The following CABLES2 variants were observed in gnomAD, a reference collection of about 807,000 sequenced individuals.
CABLES2 encodes the protein CDK5 and ABL1 enzyme substrate 2.
A neutral mutation model predicts 44.8 loss-of-function variants in CABLES2; 35 were observed. The observed-to-expected ratio is 0.78, with a 90% confidence interval of 0.60 to 1.04. The LOEUF (loss-of-function observed/expected upper bound fraction) is 1.04, where lower values mean the gene tolerates loss of function less well. Ranked by LOEUF, CABLES2 falls within the 50% of genes least tolerant of loss-of-function variation. The probability of loss-of-function intolerance (pLI) is 0.00; values close to 1 mark genes in which losing one functional copy is unlikely to be tolerated. For synonymous variants in CABLES2, 282 were observed against 281.1 expected, an observed-to-expected ratio of 1.00 and a Z score of -0.03; for missense variants, 566 against 615.7, an observed-to-expected ratio of 0.92 and a Z score of 0.85.
In CABLES2 at chr20:62,396,409, T is replaced by C; in HGVS notation, c.435-2A>G. ...GGTGATCCAGATGTGTGTTTGGTTC[T>C]GCAAGGCAAAGGACACAGGTCACTC... On this transcript the variant is annotated splice_acceptor_variant, in intron 2 of 9. Transcript: ENST00000279101. LOFTEE classifies it high-confidence loss of function. This position sits in a 1 kb window ranked among gnomAD's most constrained non-coding sequence, Gnocchi z 5.7. The C allele has an allele frequency of 1.2e-6, 2 of 1,614,008 alleles. No individual in the cohort carries two copies. The highest frequency in any genetic ancestry group is 1.7e-6 in the Non-Finnish European group (2 of 1,179,962).
chr20:62,399,505 C>T (rs1988148413), intron 1 of CABLES2, among the ~76,000 whole-genome samples: 1 of 151,454 alleles, frequency 6.6e-6, no homozygotes, highest in African/African-American at 2.4e-5. Context: ...CCTCGGCCTC[C>T]CAAAGTGCTG....
chr20:62,388,753 G>A lies in CABLES2; in HGVS notation c.*2218C>T. On this transcript the variant is annotated 3_prime_UTR_variant, in exon 10 of 10. Transcript: ENST00000279101. ...CTTATGCACACTGACATCCACAACT[G>A]CTACCGGTGCGGAAGCAACGCCAGG... The A allele has an allele frequency of 2.0e-6, 1 of 502,748 alleles. No individual in the cohort carries two copies. Among genetic ancestry groups the A allele is most frequent in the Non-Finnish European group, 3.6e-6 (1 of 281,606 alleles). 31.1% of individuals were successfully genotyped at this position (502,748 alleles called of 1,614,324 possible).
Position 62,391,434 on chromosome 20 carries a change from TC to T in CABLES2, c.1110del (p.Ser371AlafsTer11). ...TCCAGGCTGCACTCCTCCGACAGGC[TC>T]CGCATCTCCCGCTTTAAGCTGTGGG... ...SKIRSLKREM[R>X]SLSEECSLEP... On this transcript the variant is annotated frameshift_variant, in exon 9 of 10. Coordinates refer to ENST00000279101, the MANE Select transcript of CABLES2 (RefSeq NM_031215.3). LOFTEE classifies it high-confidence loss of function. This position sits in a 1 kb window ranked among gnomAD's most constrained non-coding sequence, Gnocchi z 5.7. 1 of 1,613,130 alleles carries T rather than the reference TC, an allele frequency of 6.2e-7. No homozygotes were observed. Among genetic ancestry groups the T allele is most frequent in the Non-Finnish European group, 8.5e-7 (1 of 1,179,994 alleles).
chr20:62,395,195 C>G (rs1445562724), intron 3 of CABLES2, among the ~76,000 whole-genome samples, 181 bp from the exon 4 acceptor site: 7 of 152,254 alleles, frequency 4.6e-5, no homozygotes, highest in African/African-American at 1.4e-4. Context: ...CGTCACTAAG[C>G]CTGGCCCCCG....
At position 62,401,274 on chromosome 20, in the gene CABLES2, G is replaced by T. The variant is rs571803237; in HGVS notation, c.363-4682C>A. Among the ~76,000 whole-genome samples, 72 of 152,368 alleles carry T rather than the reference G, an allele frequency of 4.7e-4. 1 individual carries two copies. Among genetic ancestry groups the T allele is most frequent in the Middle Eastern group, 3.4e-3 (1 of 294 alleles). On this transcript the variant is annotated intron_variant, in intron 1 of 9. Transcript: ENST00000279101. ...TGGGTGCAGGGCAGGGCGGCCAAGTGGGGAGGACGCCGCTTTGGCCTTCCC... is the reference window on the plus strand; with the variant it reads ...TGGGTGCAGGGCAGGGCGGCCAAGTTGGGAGGACGCCGCTTTGGCCTTCCC...
chr20:62,390,845 G>T lies in CABLES2; in HGVS notation c.*126C>A, dbSNP rs765559284. ...AGGCAAAAAGGAAAGCTGCACCAGC[G>T]GAGGCCAGGTGCCTCCTGCTAGCAG... On this transcript the variant is annotated 3_prime_UTR_variant, in exon 10 of 10. Coordinates refer to ENST00000279101, the MANE Select transcript of CABLES2 (RefSeq NM_031215.3). 1.8e-6 allele frequency: 2 copies of T among 1,126,914 alleles called. No homozygotes were observed. Among genetic ancestry groups the T allele is most frequent in the Middle Eastern group, 2.6e-4 (1 of 3,890 alleles). 69.8% of individuals were successfully genotyped at this position (1,126,914 alleles called of 1,614,324 possible).
At chr20:62,398,644 C>G (rs1032697763) in intron 1 of CABLES2, among the ~76,000 whole-genome samples, 2 of 152,242 alleles carry the variant, frequency 1.3e-5, no homozygotes. Context: ...ACTCAGGCCC[C>G]CTCTCTGGTG....
intron 1 of CABLES2, among the ~76,000 whole-genome samples, chr20:62,398,107 T>C (rs1189663695): frequency 2.9e-4 from 32 of 111,178 alleles, no homozygotes; most frequent in African/African-American, 8.1e-4. Context: ...GTGGTGGTGA[T>C]GGTGGTGGTG....
chr20:62,391,405 G>C lies in CABLES2; in HGVS notation c.1140C>G (p.Pro380=). The part of the protein sequence containing the change: ...RSLSEECSLE[P]VTVAMAYVYF... The stretch of plus-strand genomic sequence containing the variant: ...ACACGTAGGCCATGGCCACCGTCAC[G>C]GGCTCCAGGCTGCACTCCTCCGACA... The change falls in exon 9 of 10, where the codon CCC becomes CCG. Residue 380 remains proline, a synonymous_variant. Transcript: ENST00000279101. The surrounding 1 kb of genome is among the most constrained non-coding windows in gnomAD (Gnocchi z 5.7). 6.2e-7 allele frequency: 1 copy of C among 1,613,336 alleles called. No homozygotes were observed.
In CABLES2 at chr20:62,391,291, G is replaced by C. The variant is rs762106674; in HGVS notation, c.1254C>G (p.Ile418Met). 1 of 1,612,954 alleles carries C rather than the reference G, an allele frequency of 6.2e-7. No individual in the cohort carries two copies. The highest frequency in any genetic ancestry group is 8.5e-7 in the Non-Finnish European group (1 of 1,179,986). ...CGCCGCTCTTGCGCAGGTCACTGCT[G>C]ATCTTGGCAGCCAGCAGCACGCAGG... ...AGACVLLAAK[I>M]SSDLRKSGVT... The change falls in exon 9 of 10, where the codon ATC becomes ATG. Residue 418 changes from isoleucine to methionine, a missense_variant. Ile to Met is a conservative substitution (Grantham distance 10). Transcript: ENST00000279101. The surrounding 1 kb of genome is among the most constrained non-coding windows in gnomAD (Gnocchi z 5.7).
At position 62,396,224 on chromosome 20, in the gene CABLES2, G is replaced by A; in HGVS notation, c.527+91C>T. On this transcript the variant is annotated intron_variant, in intron 3 of 9. Coordinates refer to ENST00000279101, the MANE Select transcript of CABLES2 (RefSeq NM_031215.3). This position sits in a 1 kb window ranked among gnomAD's most constrained non-coding sequence, Gnocchi z 5.7. ...TGTGGGGTGGGCGGGAGCTTTGGGA[G>A]TGGAGGGAAGATTGCTTGGCTGACA... is the stretch of plus-strand genomic sequence containing the variant. 2 of 1,088,822 alleles carry A rather than the reference G, an allele frequency of 1.8e-6. No homozygotes were observed. The highest frequency in any genetic ancestry group is 1.3e-5 in the South Asian group (1 of 79,686). 67.4% of individuals were successfully genotyped at this position (1,088,822 alleles called of 1,614,324 possible).
In CABLES2 at chr20:62,388,761, T is replaced by A. The variant is rs1033738980; in HGVS notation, c.*2210A>T. The A allele has an allele frequency of 2.1e-6, 1 of 486,834 alleles. No individual in the cohort carries two copies. 30.2% of individuals were successfully genotyped at this position (486,834 alleles called of 1,614,324 possible). A position where few individuals can be genotyped will look rare whatever the true frequency, so the allele number is the denominator to read the frequency against. ...CACTGACATCCACAACTGCTACCGG[T>A]GCGGAAGCAACGCCAGGCCTGGTTC... On this transcript the variant is annotated 3_prime_UTR_variant, in exon 10 of 10. Transcript: ENST00000279101.
Position 62,390,075 on chromosome 20 carries a change from A to G in CABLES2, c.*896T>C, listed in dbSNP as rs769662220. 8 of 152,384 alleles carry G rather than the reference A, an allele frequency of 5.2e-5. No homozygotes were observed. Among genetic ancestry groups the G allele is most frequent in the Non-Finnish European group, 8.8e-5 (6 of 68,022 alleles). 9.4% of individuals were successfully genotyped at this position (152,384 alleles called of 1,614,324 possible). On this transcript the variant is annotated 3_prime_UTR_variant, in exon 10 of 10. Transcript: ENST00000279101. ...GTTCCCTTAAAAAAAAAAGACCCAAAAAACCAAATCCCAATAAATATGTTA... is the reference window on the plus strand; with the variant it reads ...GTTCCCTTAAAAAAAAAAGACCCAAGAAACCAAATCCCAATAAATATGTTA...
intron 1 of CABLES2, chr20:62,405,592 G>A (rs1375822591): frequency 1.3e-5 from 2 of 152,292 alleles, no homozygotes; most frequent in African/African-American, 4.8e-5. Context: ...TAGTCTTTGA[G>A]GACAGAGTGC....
chr20:62,396,423 C>A lies in CABLES2; in HGVS notation c.435-16G>T, dbSNP rs756681860. 44 of 1,613,578 alleles carry A rather than the reference C, an allele frequency of 2.7e-5. No homozygotes were observed. The highest frequency in any genetic ancestry group is 1.6e-4 in the Middle Eastern group (1 of 6,084). ...GTGTTTGGTTCTGCAAGGCAAAGGA[C>A]ACAGGTCACTCTTTTCCTCCCAGGA... On this transcript the variant is annotated splice_polypyrimidine_tract_variant and intron_variant, in intron 2 of 9. Coordinates refer to ENST00000279101, the MANE Select transcript of CABLES2 (RefSeq NM_031215.3). The surrounding 1 kb of genome is among the most constrained non-coding windows in gnomAD (Gnocchi z 5.7).
At chr20:62,401,655 G>A (rs912871516) in intron 1 of CABLES2, among the ~76,000 whole-genome samples, 17 of 152,216 alleles carry the variant, frequency 1.1e-4, no homozygotes, top group Admixed American at 2.0e-4. Flanking sequence ...ATCAGGGGAC[G>A]GCATGCACAG....
rs767993157 is a variant in CABLES2, at chr20:62,391,251, C to T, written c.1294G>A (p.Asp432Asn). The T allele has an allele frequency of 4.4e-6, 7 of 1,606,870 alleles. No homozygotes were observed. Among genetic ancestry groups the T allele is most frequent in the Admixed American group, 3.3e-5 (2 of 59,944 alleles). ...LRKSGVTQLI[D>N]KLEERFRFNR... ...TGCCTGCCGAGCCGGGCACTCACATCGATGAGCTGCGTCACGCCGCTCTTG... is the reference window on the plus strand; with the variant it reads ...TGCCTGCCGAGCCGGGCACTCACATTGATGAGCTGCGTCACGCCGCTCTTG... Residue 432 changes from aspartate (D) to asparagine (N), a missense_variant and splice_region_variant, in exon 9 of 10, where the codon GAT becomes AAT. By Grantham distance (23) the Asp-to-Asn change is conservative. Around this residue, in one of 2 missense-constraint regions of CABLES2, gnomAD observed 436 missense variants for 536.3 expected, o/e 0.81. Coordinates refer to ENST00000279101, the MANE Select transcript of CABLES2 (RefSeq NM_031215.3). This position sits in a 1 kb window ranked among gnomAD's most constrained non-coding sequence, Gnocchi z 5.7.
In CABLES2 at chr20:62,394,220, G is replaced by A. The variant is rs2146419891; in HGVS notation, c.651C>T (p.Gly217=). The part of the protein sequence containing the change: ...DSQKQRHPSG[G]VSVSSEMVFE... ...AGACCATCTCGGAAGACACAGAGAC[G>A]CCGCCGGACGGGTGCCTCTGCTTCT... The change falls in exon 5 of 10, where the codon GGC becomes GGT. Residue 217 remains glycine (G), a synonymous_variant. Transcript: ENST00000279101. The A allele has an allele frequency of 1.2e-6, 2 of 1,613,536 alleles. No homozygotes were observed. Among genetic ancestry groups the A allele is most frequent in the Non-Finnish European group, 1.7e-6 (2 of 1,180,002 alleles).
intron 5 of CABLES2, 48 bp from the exon 6 acceptor site, chr20:62,393,653 A>G (rs755799929): frequency 2.6e-6 from 4 of 1,519,232 alleles, no homozygotes; most frequent in Non-Finnish European, 3.5e-6. Flanking sequence ...CCGGGACCAG[A>G]GGGCAAAGTG....
Sources: allele counts gnomAD v4.1 joint callset (sites outside exome capture counted in the v4.1 genomes callset), GRCh38; gene constraint gnomAD v4.1.1; regional missense constraint gnomAD v4.1.1; non-coding constraint Gnocchi (gnomAD v3.1); transcripts MANE v1.5; gene names NCBI Gene and HGNC (gene_info 2026-07-23, HGNC 2026-07-21).